The following WDR45 variants were observed in gnomAD, a reference collection of about 807,000 sequenced individuals.
WDR45 encodes WD repeat domain phosphoinositide-interacting protein 4.
A neutral mutation model predicts 27.3 loss-of-function variants in WDR45; 2 were observed. The ratio of observed to expected loss-of-function variants is 0.07; its 90% confidence interval spans 0.03 to 0.23. The LOEUF (loss-of-function observed/expected upper bound fraction) is 0.23. Among genes scored for constraint, WDR45 ranks in the 10% least tolerant of loss-of-function variants. The probability of loss-of-function intolerance (pLI) is 1.00; values close to 1 mark genes in which losing one functional copy is unlikely to be tolerated. For synonymous variants in WDR45, 99 were observed against 119.2 expected (o/e 0.83, Z 1.11); for missense variants, 175 against 311.9 (o/e 0.56, Z 3.31).
intron 2 of WDR45, among the ~76,000 whole-genome samples, chrX:49,094,185 G>C (rs1232818761): frequency 1.8e-5 from 2 of 111,195 alleles, no homozygotes; most frequent in East Asian, 5.7e-4. Flanking sequence ...AGAGACAGGA[G>C]GGGTCAGGTG....
At chrX:49,088,938 T>G (rs912591944) in intron 2 of WDR45, among the ~76,000 whole-genome samples, 14 of 111,890 alleles carry the variant, frequency 1.3e-4, no homozygotes, top group Non-Finnish European at 2.6e-4. Context: ...AAGGAGACAA[T>G]CTGAATTTCA....
upstream of WDR45, among the ~76,000 whole-genome samples, chrX:49,080,930 C>CT (rs1317450627): frequency 3.7e-4 from 20 of 54,150 alleles, no homozygotes; most frequent in Non-Finnish European, 6.5e-4. Flanking sequence ...GAGTTTGGCT[C>CT]TTTTTGCCCA....
upstream of WDR45, chrX:49,081,984 A>AG (rs1399871385): frequency 1.2e-3 from 14 of 11,661 alleles, no homozygotes; most frequent in South Asian, 0.26. Context: ...CCCTGTCTCC[A>AG]AAAAAAAAAA....
rs1164860669 is a variant in WDR45, at chrX:49,075,622, A to G, written c.648T>C (p.Leu216=). ...VVASASQKGT[L]IRLFDTQSKE... is the part of the protein sequence containing the mutation. ...TGGATTGTGTGTCAAAGAGGCGAAT[A>G]AGGGTACCCTTCTGGGAGGCTGAGG... The change falls in exon 8 of 11, where the codon CTT becomes CTC. Residue 216 remains leucine, a synonymous_variant. Transcript: ENST00000376372. 12 of 1,209,470 alleles carry G rather than the reference A, an allele frequency of 9.9e-6. No homozygotes were observed. The highest frequency in any genetic ancestry group is 1.2e-5 in the Non-Finnish European group (11 of 895,053).
intron 3 of WDR45, 28 bp from the exon 4 acceptor site, chrX:49,077,775 G>C (rs782370088): frequency 8.3e-7 from 1 of 1,202,426 alleles, no homozygotes; most frequent in Non-Finnish European, 1.1e-6. Flanking sequence ...TGTCAGTGGA[G>C]GTGGGAGCCA....
chrX:49,092,270 A>G (rs2065110222), intron 2 of WDR45, among the ~76,000 whole-genome samples: 1 of 109,688 alleles, frequency 9.1e-6, no homozygotes, highest in African/African-American at 3.3e-5. Flanking sequence ...TTAGGAAGGG[A>G]ATTACAAAGG....
chrX:49,095,528 T>C (rs2065121622), intron 2 of WDR45, among the ~76,000 whole-genome samples: 1 of 109,546 alleles, frequency 9.1e-6, no homozygotes, highest in South Asian at 3.9e-4. Flanking sequence ...TGGCACGATC[T>C]CGGCTCACTG....
At chrX:49,086,423 G>T (rs1557085911) in intron 2 of WDR45, among the ~76,000 whole-genome samples, 1 of 111,170 alleles carries the variant, frequency 9.0e-6, no homozygotes. Flanking sequence ...AAAGTGCTGG[G>T]ATTACAGGCA....
intron 2 of WDR45, among the ~76,000 whole-genome samples, chrX:49,088,825 C>T (rs2065094963): frequency 9.0e-6 from 1 of 111,495 alleles, no homozygotes; most frequent in Non-Finnish European, 1.9e-5. Flanking sequence ...CCAGCCTAGA[C>T]AACAAGAGGG....
chrX:49,099,817 A>C (rs1557087876), intron 2 of WDR45, among the ~76,000 whole-genome samples: 1 of 108,831 alleles, frequency 9.2e-6, no homozygotes, highest in African/African-American at 3.4e-5. Flanking sequence ...AAAAAAACAC[A>C]CAGTGTTTCT....
At chrX:49,081,309 T>G (rs1395677382), upstream of WDR45, among the ~76,000 whole-genome samples, 1 of 106,287 alleles carries the variant, frequency 9.4e-6, no homozygotes, top group Non-Finnish European at 1.9e-5. Context: ...AGCAGGCAGA[T>G]CATGAGGTCA....
intron 2 of WDR45, among the ~76,000 whole-genome samples, chrX:49,099,493 G>A (rs2065137389): frequency 9.0e-6 from 1 of 111,465 alleles, no homozygotes; most frequent in Non-Finnish European, 1.9e-5. Context: ...AAAGAACAAT[G>A]TTTCTGGGGC....
chrX:49,094,789 G>A (rs1481812866), intron 2 of WDR45, among the ~76,000 whole-genome samples: 1 of 110,225 alleles, frequency 9.1e-6, no homozygotes, highest in East Asian at 2.9e-4. Flanking sequence ...TGGATCTAAC[G>A]CATTTGAAAT....
chrX:49,076,057 G>C (rs930362715), intron 6 of WDR45, 112 bp from the exon 7 acceptor site: 1 of 655,599 alleles, frequency 1.5e-6, no homozygotes, highest in Non-Finnish European at 2.4e-6. Flanking sequence ...AGCTTAACCC[G>C]AAGAACCCTG....
rs1003646033 is a variant in WDR45 at position 49,074,842 on chromosome X, G to A, written c.1044C>T (p.Phe348=). The change falls in exon 11 of 11, where the codon TTC becomes TTT. Residue 348 remains phenylalanine, a synonymous_variant. Transcript: ENST00000376372. ...TPDGNCNREA[F]DVYLDICDDD... ...CATCACAGATGTCAAGGTACACGTC[G>A]AAAGCCTCTCTGTTGCAGTTTCCAT... is the stretch of plus-strand genomic sequence containing the variant. The A allele has an allele frequency of 4.1e-6, 5 of 1,209,971 alleles. No individual in the cohort carries two copies. Among genetic ancestry groups the A allele is most frequent in the Middle Eastern group, 2.4e-4 (1 of 4,237 alleles).
chrX:49,090,208 C>A (rs1213998781), intron 2 of WDR45, among the ~76,000 whole-genome samples: 1 of 110,666 alleles, frequency 9.0e-6, no homozygotes, highest in Non-Finnish European at 1.9e-5. Context: ...GGATTACAGG[C>A]GCCTGCCACC....
chrX:49,094,354 A>G (rs1445203356), intron 2 of WDR45, among the ~76,000 whole-genome samples: 1 of 111,006 alleles, frequency 9.0e-6, no homozygotes. Flanking sequence ...CTGTAATCCC[A>G]GCTATTTAGG....
At position 49,075,165 on chromosome X, in the gene WDR45, T is replaced by C; in HGVS notation, c.944A>G (p.Asn315Ser). 8.3e-7 allele frequency: 1 copy of C among 1,212,079 alleles called. No individual in the cohort carries two copies. The highest frequency in any genetic ancestry group is 1.1e-6 in the Non-Finnish European group (1 of 895,570). Residue 315 changes from asparagine to serine, a missense_variant, in exon 10 of 11, where the codon AAT becomes AGT. Physicochemically the swap from Asn to Ser is conservative, Grantham distance 46. Coordinates refer to ENST00000376372, the MANE Select transcript of WDR45 (RefSeq NM_001029896.2). ...GACAGAGTTGACGTTCTTGGAAGTA[T>C]TGCGACCGAAGGCGCAGATGCAAGC... ...ESACICAFGR[N>S]TSKNVNSVIA... is the part of the protein sequence containing the mutation.
At chrX:49,083,985 A>AT (rs1200571337), upstream of WDR45, among the ~76,000 whole-genome samples, 2 of 104,272 alleles carry the variant, frequency 1.9e-5, no homozygotes, top group Non-Finnish European at 3.9e-5. Context: ...ATTAAAATAC[A>AT]TTTTGTTACT....
Sources: allele counts gnomAD v4.1 joint callset (sites outside exome capture counted in the v4.1 genomes callset), GRCh38; gene constraint gnomAD v4.1.1; transcripts MANE v1.5; gene names NCBI Gene and HGNC (gene_info 2026-07-23, HGNC 2026-07-21).